The following ATRX variants were observed in gnomAD, a reference collection of about 807,000 sequenced individuals.
The protein encoded by ATRX is chromatin remodeler ATRX.
In ATRX, 12 loss-of-function variants were observed where a neutral mutation model predicts 172.6. That is an observed-to-expected ratio of 0.07 (90% CI 0.04 to 0.11). The LOEUF is 0.11. Ranked by LOEUF, ATRX falls within the 10% of genes least tolerant of loss-of-function variation. The pLI is 1.00. For missense variants in ATRX, 1,368 were observed against 1,767.4 expected, an observed-to-expected ratio of 0.77 and a Z score of 4.05; for synonymous variants, 674 against 594.7, an observed-to-expected ratio of 1.13 and a Z score of -1.94.
intron 2 of ATRX, among the ~76,000 whole-genome samples, chrX:77,707,249 T>C (rs1315453547): frequency 9.0e-6 from 1 of 110,858 alleles, no homozygotes; most frequent in Non-Finnish European, 1.9e-5. Context: ...GGGTACAGAG[T>C]TTCACTTGGG....
At chrX:77,595,970 A>G (rs782676022) in intron 25 of ATRX, 1 of 111,660 alleles carries the variant, frequency 9.0e-6, no homozygotes, top group Non-Finnish European at 1.9e-5. Context: ...AGTAATTTAC[A>G]TAGTCATTTC....
intron 26 of ATRX, among the ~76,000 whole-genome samples, 178 bp downstream of exon 26, chrX:77,593,518 C>T (rs1273790740): frequency 9.0e-6 from 1 of 111,729 alleles, no homozygotes; most frequent in African/African-American, 3.3e-5. Flanking sequence ...AATATGCAAT[C>T]AGAACTAGTG....
intron 1 of ATRX, among the ~76,000 whole-genome samples, chrX:77,768,526 G>T (rs1232672380): frequency 8.9e-6 from 1 of 111,758 alleles, no homozygotes; most frequent in East Asian, 2.8e-4. Flanking sequence ...TTATTCAACT[G>T]ATTTTTTAAA....
intron 27 of ATRX, among the ~76,000 whole-genome samples, chrX:77,584,218 C>T (rs782084620): frequency 1.9e-4 from 21 of 110,927 alleles, no homozygotes; most frequent in African/African-American, 6.5e-4. Context: ...TTGGAATAAT[C>T]GATATTATTA....
intron 19 of ATRX, among the ~76,000 whole-genome samples, chrX:77,627,674 C>T (rs1557103925): frequency 1.1e-5 from 1 of 94,049 alleles, no homozygotes; most frequent in Non-Finnish European, 2.1e-5. Context: ...CCAGCCTGGG[C>T]AACACAGTAA....
At chrX:77,694,049 G>A in intron 5 of ATRX, 112 bp from the exon 6 acceptor site, 1 of 609,674 alleles carries the variant, frequency 1.6e-6, no homozygotes, top group African/African-American at 2.2e-5. Flanking sequence ...TTTCTTTCAA[G>A]CTTTAGATAT....
rs2148608377 is a variant in ATRX at position 77,683,213 on chromosome X, A to C, written c.2043T>G (p.Cys681Trp). The change falls in exon 9 of 35, where the codon TGT (cysteine) becomes TGG (tryptophan). Residue 681 changes from cysteine (C) to tryptophan (W), a missense_variant. Physicochemically the swap from Cys to Trp is radical, Grantham distance 215 (BLOSUM62 -2). Around this residue, in one of 17 missense-constraint regions of ATRX, gnomAD observed 843 missense variants for 643.1 expected, o/e 1.31. Transcript: ENST00000373344. ...NPVTSNSDEECNETVKEKQKL... is the reference protein window; with the variant it reads ...NPVTSNSDEEWNETVKEKQKL... ...TTTGTTTCTCCTTAACTGTTTCATT[A>C]CATTCTTCATCTGAATTAGATGTTA... The C allele has an allele frequency of 8.3e-7, 1 of 1,211,112 alleles. No homozygotes were observed. Among genetic ancestry groups the C allele is most frequent in the Non-Finnish European group, 1.1e-6 (1 of 895,018 alleles).
At chrX:77,578,387 C>T (rs1183084416) in intron 27 of ATRX, among the ~76,000 whole-genome samples, 1 of 111,951 alleles carries the variant, frequency 8.9e-6, no homozygotes, top group Non-Finnish European at 1.9e-5. Context: ...CAGCTTAGAG[C>T]TCCAAAAGAG....
chrX:77,589,227 AAGG>A (rs2066145873), intron 27 of ATRX, among the ~76,000 whole-genome samples: 1 of 112,164 alleles, frequency 8.9e-6, no homozygotes, highest in African/African-American at 3.2e-5. Flanking sequence ...TAGAAACATA[AAGG>A]AGATTAGTGG....
At chrX:77,557,924 TAGG>T (rs1321059752) in intron 29 of ATRX, among the ~76,000 whole-genome samples, 4 of 111,314 alleles carry the variant, frequency 3.6e-5, no homozygotes, top group South Asian at 7.4e-4. Context: ...CTGTACTCTG[TAGG>T]AGGAGGACAG....
At chrX:77,556,419 GGA>G (rs1183053573) in intron 30 of ATRX, among the ~76,000 whole-genome samples, 25 of 69,443 alleles carry the variant, frequency 3.6e-4, no homozygotes, top group African/African-American at 1.3e-3. Context: ...TGGGGGTGGG[GGA>G]GAGAGGGGGA....
intron 34 of ATRX, among the ~76,000 whole-genome samples, chrX:77,512,730 A>G (rs2062912091): frequency 9.0e-6 from 1 of 110,621 alleles, no homozygotes; most frequent in Admixed American, 9.6e-5. Context: ...TTAGCTGCGC[A>G]TGGTGGCGGG....
chrX:77,696,738 G>A lies in ATRX; in HGVS notation c.243-34C>T, dbSNP rs1557150121. On this transcript the variant is annotated intron_variant, in intron 4 of 34. Coordinates refer to ENST00000373344, the MANE Select transcript of ATRX (RefSeq NM_000489.6). ...GAATTAAGTTCATAGAATTATGAATGTTTCTGACAACTGGAACAATACCCA... is the reference window on the plus strand; with the variant it reads ...GAATTAAGTTCATAGAATTATGAATATTTCTGACAACTGGAACAATACCCA... 2.1e-5 allele frequency: 24 copies of A among 1,166,126 alleles called. No homozygotes were observed. The South Asian group carries it at 4.4e-4, about 21-fold the overall frequency.
chrX:77,721,866 CG>C (rs1483797360), intron 1 of ATRX, among the ~76,000 whole-genome samples: 2 of 111,533 alleles, frequency 1.8e-5, no homozygotes, highest in African/African-American at 6.5e-5. Context: ...CACAGGGCCA[CG>C]ACAATCCTAA....
intron 1 of ATRX, among the ~76,000 whole-genome samples, chrX:77,729,317 T>A (rs1453094255): frequency 9.0e-6 from 1 of 111,301 alleles, no homozygotes; most frequent in African/African-American, 3.3e-5. Flanking sequence ...TGATGACAAT[T>A]ATGTTTAAAA....
At chrX:77,570,161 G>C (rs2065357560) in intron 28 of ATRX, among the ~76,000 whole-genome samples, 1 of 109,779 alleles carries the variant, frequency 9.1e-6, no homozygotes, top group African/African-American at 3.3e-5. Flanking sequence ...ATTCAGTAAA[G>C]GAAGTATGGT....
At chrX:77,741,355 A>G (rs1964199618) in intron 1 of ATRX, among the ~76,000 whole-genome samples, 1 of 107,928 alleles carries the variant, frequency 9.3e-6, no homozygotes, top group South Asian at 4.1e-4. Context: ...TGGATATTAA[A>G]CCCTCATCAG....
intron 9 of ATRX, among the ~76,000 whole-genome samples, chrX:77,677,188 C>G (rs2070924270): frequency 9.0e-6 from 1 of 110,715 alleles, no homozygotes; most frequent in African/African-American, 3.3e-5. Flanking sequence ...AAAAGAAAAA[C>G]TGAAATATTA....
chrX:77,637,992 T>C (rs1293364031), intron 15 of ATRX, among the ~76,000 whole-genome samples: 1 of 99,257 alleles, frequency 1.0e-5, no homozygotes, highest in African/African-American at 3.7e-5. Flanking sequence ...TAAAAAAAAA[T>C]TAAAAAACAA....
Sources: gnomAD v4.1 joint callset for allele counts (sites outside exome capture counted in the v4.1 genomes callset) on GRCh38, gnomAD v4.1.1 for gene constraint, gnomAD v4.1.1 regional missense constraint, MANE v1.5 for transcripts, NCBI Gene and HGNC (gene_info 2026-07-23, HGNC 2026-07-21) for gene names.